PCDH9: variants seen among roughly 807,000 people sequenced by gnomAD.
The protein encoded by PCDH9 is protocadherin 9.
PCDH9 carries 24 observed loss-of-function variants against 70.6 expected under a neutral mutation model. The observed-to-expected ratio is 0.34, with a 90% CI of 0.25 to 0.48. The LOEUF (loss-of-function observed/expected upper bound fraction) is 0.48, where lower values mean the gene tolerates loss of function less well. PCDH9 is among the 20% of genes least tolerant of loss of function. PCDH9 has a pLI of 0.99. For missense variants in PCDH9, 1,281 were observed against 1,503.6 expected (o/e 0.85, Z 2.45); for synonymous variants, 562 against 558.5 (o/e 1.01, Z -0.09).
chr13:67,142,020 G>A (rs1278335977), intron 2 of PCDH9, among the ~76,000 whole-genome samples: 1 of 151,996 alleles, frequency 6.6e-6, no homozygotes, highest in African/African-American at 2.4e-5. Flanking sequence ...TACATATTGG[G>A]TTAGAAAATA....
intron 4 of PCDH9, among the ~76,000 whole-genome samples, chr13:66,551,557 C>A (rs1424130612): frequency 6.6e-6 from 1 of 152,166 alleles, no homozygotes; most frequent in South Asian, 2.1e-4. Flanking sequence ...TCTCCATATA[C>A]TCTACTTCTA....
At chr13:67,019,498 C>T (rs1467442977) in intron 2 of PCDH9, among the ~76,000 whole-genome samples, 1 of 151,758 alleles carries the variant, frequency 6.6e-6, no homozygotes, top group East Asian at 1.9e-4. Context: ...CTGGCCCACG[C>T]AGTTGCTCTT....
At chr13:66,650,756 A>T (rs2077839836) in intron 3 of PCDH9, among the ~76,000 whole-genome samples, 1 of 152,032 alleles carries the variant, frequency 6.6e-6, no homozygotes, top group Admixed American at 6.5e-5. Flanking sequence ...TACATGAATC[A>T]TTCTCAAGGG....
intron 4 of PCDH9, among the ~76,000 whole-genome samples, chr13:66,465,810 C>A (rs1958504541): frequency 1.3e-5 from 2 of 151,686 alleles, no homozygotes; most frequent in Admixed American, 1.3e-4. Context: ...GGAATATTTT[C>A]TATATTAGCC....
chr13:66,862,610 G>A (rs1182942075), intron 3 of PCDH9, among the ~76,000 whole-genome samples: 1 of 152,146 alleles, frequency 6.6e-6, no homozygotes, highest in Non-Finnish European at 1.5e-5. Context: ...TTTTATAGTA[G>A]TGCAATGAAA....
At chr13:66,413,627 A>G (rs1009040750) in intron 4 of PCDH9, among the ~76,000 whole-genome samples, 2 of 152,206 alleles carry the variant, frequency 1.3e-5, no homozygotes, top group South Asian at 4.1e-4. Flanking sequence ...CGGAGCTTGC[A>G]GTGAGCCAAG....
intron 4 of PCDH9, among the ~76,000 whole-genome samples, chr13:66,468,551 A>G (rs1169814513): frequency 6.6e-6 from 1 of 152,150 alleles, no homozygotes; most frequent in Non-Finnish European, 1.5e-5. Flanking sequence ...CTTCATGACA[A>G]TACATACTCT....
At chr13:66,420,336 G>T (rs1023390273) in intron 4 of PCDH9, among the ~76,000 whole-genome samples, 3 of 152,190 alleles carry the variant, frequency 2.0e-5, no homozygotes, top group African/African-American at 7.2e-5. Flanking sequence ...GGGACAGACT[G>T]CCTCCTCAAG....
intron 2 of PCDH9, among the ~76,000 whole-genome samples, chr13:66,954,796 C>T (rs191573915): frequency 2.6e-5 from 4 of 152,356 alleles, no homozygotes; most frequent in Non-Finnish European, 5.9e-5. Context: ...CGGAGTCTCG[C>T]TCTGTCACCC....
intron 4 of PCDH9, among the ~76,000 whole-genome samples, chr13:66,403,127 T>C (rs1457800297): frequency 6.6e-6 from 1 of 151,696 alleles, no homozygotes; most frequent in African/African-American, 2.4e-5. Flanking sequence ...CATTTACAGC[T>C]TTAGATGTAC....
At chr13:66,797,792 A>C (rs1424121710) in intron 3 of PCDH9, among the ~76,000 whole-genome samples, 1 of 152,132 alleles carries the variant, frequency 6.6e-6, no homozygotes, top group Non-Finnish European at 1.5e-5. Flanking sequence ...TATATAGAAA[A>C]GGACAGAAAG....
intron 4 of PCDH9, among the ~76,000 whole-genome samples, chr13:66,493,441 C>A (rs1475606157): frequency 6.6e-6 from 1 of 152,108 alleles, no homozygotes; most frequent in Non-Finnish European, 1.5e-5. Flanking sequence ...ATTTGACATA[C>A]TTGAGTTAAT....
intron 3 of PCDH9, among the ~76,000 whole-genome samples, chr13:66,679,450 G>A (rs1352546688): frequency 6.6e-6 from 1 of 151,884 alleles, no homozygotes; most frequent in Non-Finnish European, 1.5e-5. Context: ...TACAAGCAAA[G>A]TACTGGATCC....
At chr13:66,893,725 T>G (rs989447102) in intron 3 of PCDH9, among the ~76,000 whole-genome samples, 1 of 152,150 alleles carries the variant, frequency 6.6e-6, no homozygotes, top group Non-Finnish European at 1.5e-5. Flanking sequence ...GAAATAATAT[T>G]TAACTATGCT....
rs80149754 is a variant in PCDH9, at chr13:66,828,437, C to A, written c.3138+75067G>T. ...AAATACTAGATTTACCCCCACTTAT[C>A]CAGAGTACATGCTTTTTCTACCACT... On this transcript the variant is annotated intron_variant, in intron 3 of 4. Transcript: ENST00000377865. Among the ~76,000 whole-genome samples the A allele has an allele frequency of 8.7e-3, 1,319 of 152,224 alleles. 19 individuals carry two copies. The highest frequency in any genetic ancestry group is 0.03 in the African/African-American group (1,244 of 41,518).
chr13:66,480,229 C>T (rs368642474), intron 4 of PCDH9, among the ~76,000 whole-genome samples: 2 of 152,128 alleles, frequency 1.3e-5, no homozygotes, highest in African/African-American at 4.8e-5. Context: ...AGCTAGAGAA[C>T]TAGAATTAGA....
At position 67,023,306 on chromosome 13, in the gene PCDH9, T is replaced by TC. The variant is rs755024744; in HGVS notation, c.3037-119702dup. ...TCCTTTTTCTTTTCACCACCAACTG[T>TC]CATTTGCCTTCCTTTACCCATAAAA... On this transcript the variant is annotated intron_variant, in intron 2 of 4. Coordinates refer to ENST00000377865, the MANE Select transcript of PCDH9 (RefSeq NM_203487.3). Among the ~76,000 whole-genome samples, 12 of 152,300 alleles carry TC rather than the reference T, an allele frequency of 7.9e-5. No individual in the cohort carries two copies. The South Asian group carries it at 1.7e-3, about 21-fold the overall frequency.
intron 2 of PCDH9, among the ~76,000 whole-genome samples, chr13:66,935,129 C>G (rs1279412092): frequency 6.6e-6 from 1 of 152,020 alleles, no homozygotes; most frequent in Non-Finnish European, 1.5e-5. Flanking sequence ...TGGCGCATCA[C>G]GATTCACTGC....
chr13:66,576,404 C>T (rs762521150), intron 4 of PCDH9, among the ~76,000 whole-genome samples: 18 of 151,884 alleles, frequency 1.2e-4, no homozygotes, highest in Non-Finnish European at 2.1e-4. Flanking sequence ...TAGATTCAAA[C>T]CTTTATGGCT....
Sources: gnomAD v4.1 joint callset for allele counts (sites outside exome capture counted in the v4.1 genomes callset) on GRCh38, gnomAD v4.1.1 for gene constraint, MANE v1.5 for transcripts, NCBI Gene and HGNC (gene_info 2026-07-23, HGNC 2026-07-21) for gene names.